The following ITPKB variants were observed in gnomAD, a reference collection of about 807,000 sequenced individuals.
ITPKB encodes inositol-trisphosphate 3-kinase B.
In ITPKB, 13 loss-of-function variants were observed where a neutral mutation model predicts 69.4. The observed-to-expected ratio is 0.19, with a 90% CI of 0.12 to 0.30. ITPKB has a LOEUF of 0.30. ITPKB is among the 10% of genes least tolerant of loss of function. The pLI is 1.00. For missense variants in ITPKB, 1,240 were observed against 1,250.5 expected (o/e 0.99, Z 0.13); for synonymous variants, 584 against 513.7 (o/e 1.14, Z -1.85).
chr1:226,669,852 A>G (rs1298820531), intron 2 of ITPKB, among the ~76,000 whole-genome samples: 1 of 151,818 alleles, frequency 6.6e-6, no homozygotes, highest in Non-Finnish European at 1.5e-5. Flanking sequence ...AACAAAAAAA[A>G]TGTTTTTTTG....
At chr1:226,674,517 A>G (rs746733599) in intron 2 of ITPKB, among the ~76,000 whole-genome samples, 4 of 152,044 alleles carry the variant, frequency 2.6e-5, no homozygotes, top group Non-Finnish European at 5.9e-5. Context: ...ATTTTTAGTT[A>G]GAGACGGGGT....
chr1:226,701,496 C>T (rs572851609), intron 2 of ITPKB, among the ~76,000 whole-genome samples: 1 of 143,502 alleles, frequency 7.0e-6, no homozygotes, highest in African/African-American at 2.6e-5. Flanking sequence ...CCCAGCTACT[C>T]GGGAGGCTGA....
intron 2 of ITPKB, among the ~76,000 whole-genome samples, chr1:226,703,115 G>A (rs192433944): frequency 1.4e-4 from 21 of 152,282 alleles, no homozygotes; most frequent in Non-Finnish European, 2.4e-4. Flanking sequence ...GTATGCTGAA[G>A]CGAAAGAAAG....
At chr1:226,662,025 A>G (rs1669411819) in intron 2 of ITPKB, among the ~76,000 whole-genome samples, 1 of 152,208 alleles carries the variant, frequency 6.6e-6, no homozygotes, top group Admixed American at 6.5e-5. Flanking sequence ...CCCAGGAGCT[A>G]CTTTCTAGTC....
chr1:226,634,924 C>A lies in ITPKB; in HGVS notation c.2626-38G>T. 1.3e-6 allele frequency: 2 copies of A among 1,538,798 alleles called. No individual in the cohort carries two copies. Among genetic ancestry groups the A allele is most frequent in the East Asian group, 2.3e-5 (1 of 43,676 alleles). On this transcript the variant is annotated intron_variant, in intron 7 of 7. Coordinates refer to ENST00000429204, the MANE Select transcript of ITPKB (RefSeq NM_002221.4). This position sits in a 1 kb window ranked among gnomAD's most constrained non-coding sequence, Gnocchi z 6.3. ...TGGGGGTGAAGGGTGAGCTGAAGCCCGGGCCTCGCCCTCCCCACTGCGGCC... is the reference window on the plus strand; with the variant it reads ...TGGGGGTGAAGGGTGAGCTGAAGCCAGGGCCTCGCCCTCCCCACTGCGGCC...
rs1458315710 is a variant in ITPKB at position 226,632,997 on chromosome 1, C to G, written c.*1674G>C. 6.6e-6 allele frequency: 1 copy of G among 152,234 alleles called. No individual in the cohort carries two copies. Among genetic ancestry groups the G allele is most frequent in the African/African-American group, 2.4e-5 (1 of 41,444 alleles). The allele number at this position is 152,234 out of a possible 1,614,324, so 9.4% of individuals were successfully genotyped here. A position where few individuals can be genotyped will look rare whatever the true frequency, so the allele number is the denominator to read the frequency against. ...CTGCCTTCCAGATCACATGCTGCCA[C>G]GAGGTCTCTCGTGCTCCACCGGGCG... On this transcript the variant is annotated 3_prime_UTR_variant, in exon 8 of 8. Coordinates refer to ENST00000429204, the MANE Select transcript of ITPKB (RefSeq NM_002221.4).
chr1:226,716,615 T>A (rs547232497), intron 2 of ITPKB, among the ~76,000 whole-genome samples: 59 of 152,264 alleles, frequency 3.9e-4, no homozygotes, highest in South Asian at 6.2e-4. Flanking sequence ...AAGTTTTTTT[T>A]AAAAAATCTG....
chr1:226,644,176 C>T (rs977905446), intron 4 of ITPKB, among the ~76,000 whole-genome samples: 1 of 152,264 alleles, frequency 6.6e-6, no homozygotes, highest in African/African-American at 2.4e-5. Flanking sequence ...CGGGCAGTCA[C>T]TCACTGCCCA....
intron 3 of ITPKB, 52 bp downstream of exon 3, chr1:226,648,620 T>C: frequency 8.7e-7 from 1 of 1,143,554 alleles, no homozygotes; most frequent in Non-Finnish European, 1.3e-6. Context: ...CCAGGGCACC[T>C]CCCCAGAGGG....
chr1:226,723,910 A>G (rs1049761530), intron 2 of ITPKB, among the ~76,000 whole-genome samples: 1 of 152,126 alleles, frequency 6.6e-6, no homozygotes, highest in African/African-American at 2.4e-5. Flanking sequence ...TCCCTGGAAA[A>G]ATAAATCCTG....
intron 2 of ITPKB, among the ~76,000 whole-genome samples, chr1:226,659,078 T>C (rs962531602): frequency 2.0e-5 from 3 of 152,132 alleles, no homozygotes; most frequent in African/African-American, 7.2e-5. Flanking sequence ...CCATGGTCAA[T>C]CGACCCCTAG....
At chr1:226,678,416 T>C (rs183001812) in intron 2 of ITPKB, among the ~76,000 whole-genome samples, 2 of 152,264 alleles carry the variant, frequency 1.3e-5, no homozygotes, top group African/African-American at 2.4e-5. Context: ...AGACCTCAAA[T>C]AGAGTGCTGC....
rs1668788077 is a variant in ITPKB, at chr1:226,634,526, C to T, written c.*145G>A. ...CTGAAGTTAGGAAAATGACTAGAAA[C>T]TCTCATCTCCTCTTCTACAAAGTGT... On this transcript the variant is annotated 3_prime_UTR_variant, in exon 8 of 8. Transcript: ENST00000429204. The surrounding 1 kb of genome is among the most constrained non-coding windows in gnomAD (Gnocchi z 6.3). The T allele has an allele frequency of 1.7e-6, 1 of 600,726 alleles. No individual in the cohort carries two copies. The allele number at this position is 600,726 out of a possible 1,614,324, so 37.2% of individuals were successfully genotyped here. A position where few individuals can be genotyped will look rare whatever the true frequency, so the allele number is the denominator to read the frequency against.
rs368127761 is a variant in ITPKB at position 226,736,358 on chromosome 1, T to G, written c.1101A>C (p.Glu367Asp). The change falls in exon 2 of 8, where the codon GAA (glutamate) becomes GAC (aspartate). Residue 367 changes from glutamate to aspartate, a missense_variant. By Grantham distance (45) the Glu-to-Asp change is conservative (BLOSUM62 2). Around this residue, in one of 2 missense-constraint regions of ITPKB, gnomAD observed 992 missense variants for 853.8 expected, o/e 1.16. Coordinates refer to ENST00000429204, the MANE Select transcript of ITPKB (RefSeq NM_002221.4). ...ATCCTTTCCCCATCTTCCCAGGGGG[T>G]TCTCCATCGCGGGGCCCGCCCCTTT... ...APERGGPRDG[E>D]PPGKMGKGYL... 6.2e-7 allele frequency: 1 copy of G among 1,612,316 alleles called. No homozygotes were observed. The highest frequency in any genetic ancestry group is 8.5e-7 in the Non-Finnish European group (1 of 1,179,702).
intron 2 of ITPKB, among the ~76,000 whole-genome samples, chr1:226,653,332 G>A (rs1669231217): frequency 6.6e-6 from 1 of 152,186 alleles, no homozygotes; most frequent in African/African-American, 2.4e-5. Context: ...CGAGACAGCA[G>A]GATGAGGGGA....
intron 2 of ITPKB, among the ~76,000 whole-genome samples, chr1:226,677,362 T>C (rs934982861): frequency 2.0e-5 from 3 of 151,978 alleles, no homozygotes; most frequent in Non-Finnish European, 2.9e-5. Flanking sequence ...GGTGTCAGGG[T>C]AGAGAAGGCA....
intron 2 of ITPKB, among the ~76,000 whole-genome samples, chr1:226,654,649 C>T (rs1571842184): frequency 6.6e-6 from 1 of 152,196 alleles, no homozygotes; most frequent in Admixed American, 6.5e-5. Context: ...GGAGCTGCCC[C>T]GAGCCAGTGG....
At chr1:226,655,999 CCCACG>C (rs1212074131) in intron 2 of ITPKB, among the ~76,000 whole-genome samples, 6 of 152,206 alleles carry the variant, frequency 3.9e-5, no homozygotes. Flanking sequence ...CACACCTGTC[CCCACG>C]CCACCTTAGG....
chr1:226,642,061 G>C lies in ITPKB; in HGVS notation c.2311C>G (p.Gln771Glu), dbSNP rs1432325367. 6 of 1,614,180 alleles carry C rather than the reference G, an allele frequency of 3.7e-6. No homozygotes were observed. Among genetic ancestry groups the C allele is most frequent in the South Asian group, 2.2e-5 (2 of 91,080 alleles). Residue 771 changes from glutamine (Q) to glutamate (E), a missense_variant, in exon 5 of 8, where the codon CAG becomes GAG. By Grantham distance (29) the Gln-to-Glu change is conservative. Coordinates refer to ENST00000429204, the MANE Select transcript of ITPKB (RefSeq NM_002221.4). The surrounding 1 kb of genome is among the most constrained non-coding windows in gnomAD (Gnocchi z 6.4). ...KKPSLRKDMY[Q>E]KMIEVDPEAP... ...TCGGGGTCCACCTCGATCATCTTCT[G>C]GTACATGTCCTTCCGCAGGCTGGGC...
Sources: allele counts gnomAD v4.1 joint callset (sites outside exome capture counted in the v4.1 genomes callset), GRCh38; gene constraint gnomAD v4.1.1; regional missense constraint gnomAD v4.1.1; non-coding constraint Gnocchi (gnomAD v3.1); transcripts MANE v1.5; gene names NCBI Gene and HGNC (gene_info 2026-07-23, HGNC 2026-07-21).